Variants in SOST observed in about 807,000 individuals in gnomAD.
The protein encoded by SOST is sclerostin.
A neutral mutation model predicts 16.7 loss-of-function variants in SOST; 14 were observed. The observed-to-expected ratio is 0.84, with a 90% CI of 0.55 to 1.31. SOST has a LOEUF of 1.31. SOST is among the 50% of genes most tolerant of loss of function. The probability of loss-of-function intolerance (pLI) is 0.00; values close to 1 mark genes in which losing one functional copy is unlikely to be tolerated. For synonymous variants in SOST, 150 were observed against 140.9 expected, an observed-to-expected ratio of 1.06 and a Z score of -0.46; for missense variants, 291 against 310.7, an observed-to-expected ratio of 0.94 and a Z score of 0.48.
At position 43,755,875 on chromosome 17, in the gene SOST, T is replaced by C; in HGVS notation, c.221-112A>G. The C allele has an allele frequency of 7.8e-7, 1 of 1,277,166 alleles. No individual in the cohort carries two copies. The highest frequency in any genetic ancestry group is 1.5e-5 in the African/African-American group (1 of 65,886). The allele number at this position is 1,277,166 out of a possible 1,614,324, so 79.1% of individuals were successfully genotyped here. On this transcript the variant is annotated intron_variant, in intron 1 of 1. Coordinates refer to ENST00000301691, the MANE Select transcript of SOST (RefSeq NM_025237.3). This position sits in a 1 kb window ranked among gnomAD's most constrained non-coding sequence, Gnocchi z 4.3. Reference sequence around the variant, plus strand: ...TTTTGCCAAGCCTGTCTCCAGAGGCTTTTGCCCCTGAACATCTATTGCAGG... The same window carrying C: ...TTTTGCCAAGCCTGTCTCCAGAGGCCTTTGCCCCTGAACATCTATTGCAGG...
chr17:43,756,759 G>A (rs1319616660), intron 1 of SOST, among the ~76,000 whole-genome samples: 1 of 152,118 alleles, frequency 6.6e-6, no homozygotes, highest in Non-Finnish European at 1.5e-5. Flanking sequence ...CTGAATGGGC[G>A]CCTCATGGTG....
At chr17:43,756,120 T>A (rs1437926429) in intron 1 of SOST, among the ~76,000 whole-genome samples, 9 of 152,264 alleles carry the variant, frequency 5.9e-5, no homozygotes, top group Non-Finnish European at 1.2e-4. Flanking sequence ...AAATACCATT[T>A]GGCACATATA....
In SOST at chr17:43,753,987, T is replaced by C. The variant is rs1368031064; in HGVS notation, c.*1355A>G. ...GCTTTCATATGTCATGTGCTTCTGT[T>C]TAAAACTTTTTTTTTTTAACAATTA... On this transcript the variant is annotated 3_prime_UTR_variant, in exon 2 of 2. Transcript: ENST00000301691. 6.7e-6 allele frequency: 1 copy of C among 149,958 alleles called. No individual in the cohort carries two copies. The highest frequency in any genetic ancestry group is 1.5e-5 in the Non-Finnish European group (1 of 68,040). The allele number at this position is 149,958 out of a possible 1,614,324, so 9.3% of individuals were successfully genotyped here.
Position 43,758,611 on chromosome 17 carries a change from G to C in SOST, c.131C>G (p.Pro44Arg). Residue 44 changes from proline (P) to arginine (R), a missense_variant, in exon 1 of 2, where the codon CCC becomes CGC. Coordinates refer to ENST00000301691, the MANE Select transcript of SOST (RefSeq NM_025237.3). ...GTTCTCCAGCTCCGGTGGAGGCTCGGGGTACTCTCCGAGCTCGGGGATGAT... is the reference window on the plus strand; with the variant it reads ...GTTCTCCAGCTCCGGTGGAGGCTCGCGGTACTCTCCGAGCTCGGGGATGAT... ...TEIIPELGEY[P>R]EPPPELENNK... 1 of 1,614,160 alleles carries C rather than the reference G, an allele frequency of 6.2e-7. No individual in the cohort carries two copies. The highest frequency in any genetic ancestry group is 8.5e-7 in the Non-Finnish European group (1 of 1,180,028).
In SOST at chr17:43,755,567, G is replaced by A. The variant is rs751040168; in HGVS notation, c.417C>T (p.Tyr139=). 6.3e-7 allele frequency: 1 copy of A among 1,594,376 alleles called. No individual in the cohort carries two copies. Among genetic ancestry groups the A allele is most frequent in the Non-Finnish European group, 8.5e-7 (1 of 1,176,084 alleles). The change falls in exon 2 of 2, where the codon TAC becomes TAT. Residue 139 remains tyrosine, a synonymous_variant. Transcript: ENST00000301691. The surrounding 1 kb of genome is among the most constrained non-coding windows in gnomAD (Gnocchi z 4.3). ...GPDFRCIPDR[Y]RAQRVQLLCP... Reference sequence around the variant, plus strand: ...ACAGCAGCTGCACGCGCTGCGCGCGGTAGCGGTCGGGGATGCAGCGGAAGT... The same window carrying A: ...ACAGCAGCTGCACGCGCTGCGCGCGATAGCGGTCGGGGATGCAGCGGAAGT...
chr17:43,755,901 A>C lies in SOST; in HGVS notation c.221-138T>G, dbSNP rs895855975. ...TTTGCCCCTGAACATCTATTGCAGG[A>C]AGGTCCCAGATGCTCTAGAGCTGGT... On this transcript the variant is annotated intron_variant, in intron 1 of 1. Coordinates refer to ENST00000301691, the MANE Select transcript of SOST (RefSeq NM_025237.3). This position sits in a 1 kb window ranked among gnomAD's most constrained non-coding sequence, Gnocchi z 4.3. 6.0e-6 allele frequency: 6 copies of C among 1,000,852 alleles called. No homozygotes were observed. In the African/African-American group the frequency reaches 1.0e-4, roughly 17 times the overall value. The allele number at this position is 1,000,852 out of a possible 1,614,324, so 62.0% of individuals were successfully genotyped here. A position where few individuals can be genotyped will look rare whatever the true frequency, so the allele number is the denominator to read the frequency against.
Position 43,755,425 on chromosome 17 carries a change from C to T in SOST, c.559G>A (p.Ala187Thr), listed in dbSNP as rs1347080209. 3.1e-6 allele frequency: 5 copies of T among 1,593,306 alleles called. No individual in the cohort carries two copies. The highest frequency in any genetic ancestry group is 2.2e-5 in the South Asian group (2 of 90,418). Residue 187 changes from alanine to threonine, a missense_variant, in exon 2 of 2, where the codon GCT (alanine) becomes ACT (threonine). By Grantham distance (58) the Ala-to-Thr change is moderately conservative (BLOSUM62 0). Transcript: ENST00000301691. This position sits in a 1 kb window ranked among gnomAD's most constrained non-coding sequence, Gnocchi z 4.3. The part of the protein sequence containing the change: ...SELKDFGTEA[A>T]RPQKGRKPRP... The stretch of plus-strand genomic sequence containing the variant: ...GGCTTCCGGCCCTTCTGCGGCCGAG[C>T]GGCCTCGGTCCCGAAGTCCTTGAGC...
intron 1 of SOST, among the ~76,000 whole-genome samples, chr17:43,757,179 G>C (rs1456356936): frequency 6.6e-6 from 1 of 152,236 alleles, no homozygotes; most frequent in Non-Finnish European, 1.5e-5. Context: ...TTCGAGAATA[G>C]CGCCCCTAGG....
In SOST at chr17:43,755,572, G is replaced by A. The variant is rs780592378; in HGVS notation, c.412C>T (p.Arg138Cys). 3.8e-6 allele frequency: 6 copies of A among 1,594,044 alleles called. No individual in the cohort carries two copies. Among genetic ancestry groups the A allele is most frequent in the South Asian group, 1.1e-5 (1 of 90,256 alleles). Residue 138 changes from arginine to cysteine, a missense_variant, in exon 2 of 2, where the codon CGC (arginine) becomes TGC (cysteine). Transcript: ENST00000301691. This position sits in a 1 kb window ranked among gnomAD's most constrained non-coding sequence, Gnocchi z 4.3. Reference protein sequence around the residue: ...SGPDFRCIPDRYRAQRVQLLC... With the variant: ...SGPDFRCIPDCYRAQRVQLLC... ...AGCTGCACGCGCTGCGCGCGGTAGC[G>A]GTCGGGGATGCAGCGGAAGTCGGGC... is the stretch of plus-strand genomic sequence containing the variant.
Position 43,755,285 on chromosome 17 carries a change from G to C in SOST, c.*57C>G. ...CAAACCACGCGCAGAGGACAGAAAT[G>C]TGGGGCGCGGGTTCAGGGCCGGGGC... On this transcript the variant is annotated 3_prime_UTR_variant, in exon 2 of 2. Transcript: ENST00000301691. The surrounding 1 kb of genome is among the most constrained non-coding windows in gnomAD (Gnocchi z 4.3). The C allele has an allele frequency of 7.0e-7, 1 of 1,429,760 alleles. No individual in the cohort carries two copies. Among genetic ancestry groups the C allele is most frequent in the Non-Finnish European group, 9.2e-7 (1 of 1,085,156 alleles). 88.6% of individuals were successfully genotyped at this position (1,429,760 alleles called of 1,614,324 possible). A position where few individuals can be genotyped will look rare whatever the true frequency, so the allele number is the denominator to read the frequency against.
intron 1 of SOST, among the ~76,000 whole-genome samples, chr17:43,756,052 T>C (rs1416770155): frequency 2.0e-5 from 3 of 152,242 alleles, no homozygotes; most frequent in Admixed American, 2.0e-4. Flanking sequence ...CTTCTTCCTG[T>C]CTGCAAAATG....
Position 43,755,855 on chromosome 17 carries a change from C to T in SOST, c.221-92G>A. 3 of 1,417,640 alleles carry T rather than the reference C, an allele frequency of 2.1e-6. No homozygotes were observed. Among genetic ancestry groups the T allele is most frequent in the South Asian group, 2.6e-5 (2 of 77,678 alleles). The allele number at this position is 1,417,640 out of a possible 1,614,324, so 87.8% of individuals were successfully genotyped here. On this transcript the variant is annotated intron_variant, in intron 1 of 1. Transcript: ENST00000301691. This position sits in a 1 kb window ranked among gnomAD's most constrained non-coding sequence, Gnocchi z 4.3. ...TCTCTCCACCCCAGCCCTGCTTTTG[C>T]CAAGCCTGTCTCCAGAGGCTTTTGC...
In SOST at chr17:43,755,268, G is replaced by T; in HGVS notation, c.*74C>A. 2 of 1,338,376 alleles carry T rather than the reference G, an allele frequency of 1.5e-6. No individual in the cohort carries two copies. The highest frequency in any genetic ancestry group is 2.0e-6 in the Non-Finnish European group (2 of 1,010,994). 82.9% of individuals were successfully genotyped at this position (1,338,376 alleles called of 1,614,324 possible). A position where few individuals can be genotyped will look rare whatever the true frequency, so the allele number is the denominator to read the frequency against. On this transcript the variant is annotated 3_prime_UTR_variant, in exon 2 of 2. Transcript: ENST00000301691. This position sits in a 1 kb window ranked among gnomAD's most constrained non-coding sequence, Gnocchi z 4.3. The stretch of plus-strand genomic sequence containing the variant: ...AATGAAATATAAACAATCAAACCAC[G>T]CGCAGAGGACAGAAATGTGGGGCGC...
At position 43,755,377 on chromosome 17, in the gene SOST, T is replaced by C. The variant is rs1008216290; in HGVS notation, c.607A>G (p.Lys203Glu). 1.9e-6 allele frequency: 3 copies of C among 1,588,122 alleles called. No individual in the cohort carries two copies. Among genetic ancestry groups the C allele is most frequent in the Non-Finnish European group, 2.6e-6 (3 of 1,175,934 alleles). The change falls in exon 2 of 2, where the codon AAA (lysine) becomes GAA (glutamate). Residue 203 changes from lysine (K) to glutamate (E), a missense_variant. Transcript: ENST00000301691. This position sits in a 1 kb window ranked among gnomAD's most constrained non-coding sequence, Gnocchi z 4.3. ...RKPRPRARSA[K>E]ANQAELENAY ...TTCTCCAGCTCGGCCTGGTTGGCTT[T>C]GGCGCTCCGGGCGCGGGGCCGCGGC...
At position 43,755,310 on chromosome 17, in the gene SOST, C is replaced by A; in HGVS notation, c.*32G>T. The A allele has an allele frequency of 1.3e-6, 2 of 1,507,174 alleles. No individual in the cohort carries two copies. The highest frequency in any genetic ancestry group is 2.2e-5 in the Admixed American group (1 of 45,296). 93.4% of individuals were successfully genotyped at this position (1,507,174 alleles called of 1,614,324 possible). A position where few individuals can be genotyped will look rare whatever the true frequency, so the allele number is the denominator to read the frequency against. ...GTGGGGCGCGGGTTCAGGGCCGGGG[C>A]GCCCGCCGGTGGGGAGGGGCGCGGG... On this transcript the variant is annotated 3_prime_UTR_variant, in exon 2 of 2. Transcript: ENST00000301691. The surrounding 1 kb of genome is among the most constrained non-coding windows in gnomAD (Gnocchi z 4.3).
rs1974112860 is a variant in SOST, at chr17:43,755,218, C to T, written c.*124G>A. 2.9e-6 allele frequency: 3 copies of T among 1,032,880 alleles called. No individual in the cohort carries two copies. The highest frequency in any genetic ancestry group is 3.4e-5 in the Admixed American group (1 of 29,098). 64.0% of individuals were successfully genotyped at this position (1,032,880 alleles called of 1,614,324 possible). On this transcript the variant is annotated 3_prime_UTR_variant, in exon 2 of 2. Transcript: ENST00000301691. The surrounding 1 kb of genome is among the most constrained non-coding windows in gnomAD (Gnocchi z 4.3). ...CTCAGGGCCTGGAAGGTCTCAGCCCCCTGCCCTGGGTTGCAGGCATTTACA... is the reference window on the plus strand; with the variant it reads ...CTCAGGGCCTGGAAGGTCTCAGCCCTCTGCCCTGGGTTGCAGGCATTTACA...
At chr17:43,757,872 CCT>C in intron 1 of SOST, among the ~76,000 whole-genome samples, 1 of 152,320 alleles carries the variant, frequency 6.6e-6, no homozygotes, top group South Asian at 2.1e-4. Context: ...TGCAGGGGTG[CCT>C]CTCTGGCCTT....
At chr17:43,756,758 C>T (rs1219755569) in intron 1 of SOST, among the ~76,000 whole-genome samples, 2 of 152,134 alleles carry the variant, frequency 1.3e-5, no homozygotes, top group African/African-American at 4.8e-5. Flanking sequence ...TCTGAATGGG[C>T]GCCTCATGGT....
rs1351952391 is a variant in SOST, at chr17:43,754,510, G to A, written c.*832C>T. The A allele has an allele frequency of 6.6e-6, 1 of 152,110 alleles. No homozygotes were observed. Among genetic ancestry groups the A allele is most frequent in the Admixed American group, 6.5e-5 (1 of 15,276 alleles). 9.4% of individuals were successfully genotyped at this position (152,110 alleles called of 1,614,324 possible). On this transcript the variant is annotated 3_prime_UTR_variant, in exon 2 of 2. Coordinates refer to ENST00000301691, the MANE Select transcript of SOST (RefSeq NM_025237.3). Reference sequence around the variant, plus strand: ...ACATCCGGGGAAGCCAGGCTGGGAAGCAGCATAGCTTCTTCCAGGAGTTTG... The same window carrying A: ...ACATCCGGGGAAGCCAGGCTGGGAAACAGCATAGCTTCTTCCAGGAGTTTG...
Sources: gnomAD v4.1 joint callset for allele counts (sites outside exome capture counted in the v4.1 genomes callset) on GRCh38, gnomAD v4.1.1 for gene constraint, Gnocchi (gnomAD v3.1) non-coding constraint, MANE v1.5 for transcripts, NCBI Gene and HGNC (gene_info 2026-07-23, HGNC 2026-07-21) for gene names.